Variants in FOXP2 observed in about 807,000 individuals in gnomAD.
FOXP2 encodes forkhead box protein P2.
In FOXP2, 12 loss-of-function variants were observed where a neutral mutation model predicts 115.8. The observed-to-expected ratio is 0.10, with a 90% CI of 0.07 to 0.17. The LOEUF is 0.17. Among genes scored for constraint, FOXP2 ranks in the 10% least tolerant of loss-of-function variants. The pLI, the probability that FOXP2 is intolerant of heterozygous loss-of-function variation, is 1.00. For missense variants in FOXP2, 629 were observed against 843.5 expected, an observed-to-expected ratio of 0.75 and a Z score of 3.15; for synonymous variants, 328 against 297.7, an observed-to-expected ratio of 1.10 and a Z score of -1.05.
intron 2 of FOXP2, among the ~76,000 whole-genome samples, chr7:114,392,135 T>G (rs975913348): frequency 3.3e-5 from 5 of 152,202 alleles, no homozygotes; most frequent in African/African-American, 1.2e-4. Flanking sequence ...AGTGAGATTC[T>G]GTCAAGTGGA....
At chr7:114,327,512 T>G (rs1797588349) in intron 2 of FOXP2, among the ~76,000 whole-genome samples, 1 of 152,096 alleles carries the variant, frequency 6.6e-6, no homozygotes, top group Non-Finnish European at 1.5e-5. Context: ...TTTTCTTTTT[T>G]TTTTTTCAAG....
At chr7:114,176,485 G>A (rs1405276079) in intron 1 of FOXP2, among the ~76,000 whole-genome samples, 2 of 151,388 alleles carry the variant, frequency 1.3e-5, no homozygotes, top group Non-Finnish European at 1.5e-5. Flanking sequence ...GACTACAGGC[G>A]CGCACCACCA....
chr7:114,266,225 C>A (rs569438179), intron 1 of FOXP2, among the ~76,000 whole-genome samples: 1 of 152,164 alleles, frequency 6.6e-6, no homozygotes, highest in African/African-American at 2.4e-5. Flanking sequence ...ACTCTTCCAA[C>A]CTCTTCCTAT....
At position 114,664,368 on chromosome 7, in the gene FOXP2, C is replaced by A. The variant is rs1230632871; in HGVS notation, c.1935C>A (p.Leu645=). ...SGLLQAVHED[L]NGSLDHIDSN... ...TACTGCAGGCCGTCCACGAAGACCT[C>A]AATGGTTCTCTGGATCACATTGACA... Residue 645 remains leucine (L), a synonymous_variant, in exon 16 of 17, where the codon CTC becomes CTA. Transcript: ENST00000350908. 1 of 1,613,624 alleles carries A rather than the reference C, an allele frequency of 6.2e-7. No homozygotes were observed. The highest frequency in any genetic ancestry group is 8.5e-7 in the Non-Finnish European group (1 of 1,179,718).
intron 3 of FOXP2, among the ~76,000 whole-genome samples, chr7:114,609,751 T>A (rs1329161070): frequency 1.3e-5 from 2 of 152,218 alleles, no homozygotes; most frequent in Non-Finnish European, 2.9e-5. Flanking sequence ...CTCATTTATG[T>A]CATTAAGTTC....
intron 1 of FOXP2, among the ~76,000 whole-genome samples, chr7:114,258,656 T>G (rs1584586219): frequency 1.3e-5 from 2 of 152,226 alleles, no homozygotes; most frequent in Admixed American, 1.3e-4. Flanking sequence ...TTTAAAACAT[T>G]ACCAGACTTA....
chr7:114,431,725 T>A (rs1243997907), intron 2 of FOXP2, among the ~76,000 whole-genome samples: 1 of 151,916 alleles, frequency 6.6e-6, no homozygotes, highest in African/African-American at 2.4e-5. Context: ...ATGCATATAT[T>A]TAGATGAAAA....
chr7:114,536,495 C>CAATAG (rs1799406113), intron 3 of FOXP2, among the ~76,000 whole-genome samples: 1 of 147,242 alleles, frequency 6.8e-6, no homozygotes, highest in Admixed American at 6.9e-5. Flanking sequence ...AAAATACCCA[C>CAATAG]AATAGAATGT....
At chr7:114,400,619 G>C (rs1180382363) in intron 2 of FOXP2, among the ~76,000 whole-genome samples, 1 of 152,144 alleles carries the variant, frequency 6.6e-6, no homozygotes, top group Non-Finnish European at 1.5e-5. Context: ...GTGGGGTCGG[G>C]GGGAATGGCT....
intron 14 of FOXP2, among the ~76,000 whole-genome samples, 174 bp downstream of exon 14, chr7:114,662,360 C>T (rs1806917394): frequency 6.6e-6 from 1 of 151,986 alleles, no homozygotes; most frequent in South Asian, 2.1e-4. Context: ...AGTAGCCTAT[C>T]AATTTTTTCC....
intron 1 of FOXP2, among the ~76,000 whole-genome samples, chr7:114,218,546 A>G (rs1302237168): frequency 6.6e-6 from 1 of 152,218 alleles, no homozygotes; most frequent in African/African-American, 2.4e-5. Context: ...GCTATGTAGT[A>G]CTTAAAGACA....
chr7:114,352,670 A>T (rs1277860046), intron 2 of FOXP2, among the ~76,000 whole-genome samples: 1 of 152,056 alleles, frequency 6.6e-6, no homozygotes, highest in Non-Finnish European at 1.5e-5. Flanking sequence ...TCTTTCCTAT[A>T]TACCTGTCTG....
chr7:114,416,528 A>G (rs1793352196), intron 1 of FOXP2: 1 of 151,680 alleles, frequency 6.6e-6, no homozygotes, highest in African/African-American at 2.4e-5. Context: ...AAAAAAAAAA[A>G]AGCACTCTAT....
intron 1 of FOXP2, among the ~76,000 whole-genome samples, chr7:114,255,935 G>A (rs917720434): frequency 6.6e-5 from 10 of 152,234 alleles, no homozygotes; most frequent in South Asian, 4.1e-4. Context: ...TCGTGGAACC[G>A]CCCCGGTTCT....
chr7:114,530,786 C>T (rs1371615185), intron 2 of FOXP2, among the ~76,000 whole-genome samples: 1 of 151,674 alleles, frequency 6.6e-6, no homozygotes, highest in African/African-American at 2.4e-5. Flanking sequence ...TTGAACTTTG[C>T]TTTTCTTACA....
At chr7:114,199,789 A>G (rs1794014188) in intron 1 of FOXP2, among the ~76,000 whole-genome samples, 1 of 151,998 alleles carries the variant, frequency 6.6e-6, no homozygotes, top group Non-Finnish European at 1.5e-5. Flanking sequence ...TGAAAAAGAC[A>G]CTTAGAAACA....
At chr7:114,433,949 G>A (rs1794224018) in intron 2 of FOXP2, among the ~76,000 whole-genome samples, 1 of 151,716 alleles carries the variant, frequency 6.6e-6, no homozygotes, top group Non-Finnish European at 1.5e-5. Flanking sequence ...AGGAGTTAAT[G>A]TAAAAAAATA....
upstream of FOXP2, among the ~76,000 whole-genome samples, chr7:114,409,637 T>C (rs538469953): frequency 3.3e-5 from 5 of 152,164 alleles, no homozygotes; most frequent in Non-Finnish European, 7.4e-5. Flanking sequence ...ATTCTGGCAA[T>C]TTTTCTCTGC....
At chr7:114,136,321 G>A (rs1247282376) in intron 1 of FOXP2, among the ~76,000 whole-genome samples, 2 of 151,984 alleles carry the variant, frequency 1.3e-5, no homozygotes, top group Admixed American at 1.3e-4. Context: ...CCATTGGAGA[G>A]CTGTACTTTG....
Sources: allele counts gnomAD v4.1 joint callset (sites outside exome capture counted in the v4.1 genomes callset), GRCh38; gene constraint gnomAD v4.1.1; transcripts MANE v1.5; gene names NCBI Gene and HGNC (gene_info 2026-07-23, HGNC 2026-07-21).